The following PELP1 variants were observed in gnomAD, a reference collection of about 807,000 sequenced individuals.
The protein encoded by PELP1 is proline, glutamate and leucine rich protein 1, also known as proline-, glutamic acid- and leucine-rich protein 1.
In PELP1, 32 loss-of-function variants were observed where a neutral mutation model predicts 95.5. That is an observed-to-expected ratio of 0.34 (90% CI 0.25 to 0.45). The LOEUF (loss-of-function observed/expected upper bound fraction) is 0.45. PELP1 is among the 20% of genes least tolerant of loss of function. The pLI is 1.00. For missense variants in PELP1, 1,358 were observed against 1,444.8 expected (o/e 0.94, Z 0.97); for synonymous variants, 668 against 600.1 (o/e 1.11, Z -1.65).
intron 1 of PELP1, 138 bp downstream of exon 1, chr17:4,703,725 G>A (rs1913644082): frequency 1.4e-6 from 1 of 709,486 alleles, no homozygotes; most frequent in East Asian, 2.7e-5. Context: ...CGTCCGGACT[G>A]ATACCTGGAT....
At chr17:4,690,638 T>C (rs879783922) in intron 3 of PELP1, among the ~76,000 whole-genome samples, 4 of 151,944 alleles carry the variant, frequency 2.6e-5, no homozygotes, top group Non-Finnish European at 4.4e-5. Context: ...AGGAGAATCA[T>C]TCGAACCCAA....
At chr17:4,676,535 C>A in intron 6 of PELP1, 28 bp from the exon 7 acceptor site, 2 of 1,611,678 alleles carry the variant, frequency 1.2e-6, no homozygotes, top group South Asian at 1.1e-5. Context: ...GAAACCTGGT[C>A]AGATGGGAAT....
Position 4,672,266 on chromosome 17 carries a change from C to T in PELP1, c.2725G>A (p.Asp909Asn). The stretch of plus-strand genomic sequence containing the variant: ...TCATCCTCTTCCTCTTCCTCAAAGT[C>T]TTCCTCCTCTTCCTCTTCTTCCTCT... ...EEEEEEEEEEDFEEEEEDEEE... is the reference protein window; with the variant it reads ...EEEEEEEEEENFEEEEEDEEE... Residue 909 changes from aspartate to asparagine, a missense_variant, in exon 16 of 17, where the codon GAC becomes AAC. Physicochemically the swap from Asp to Asn is conservative, Grantham distance 23. This residue lies in a region of PELP1 where 283 missense variants were observed against 284.1 expected (regional missense o/e 1.00). Transcript: ENST00000572293. The T allele has an allele frequency of 6.4e-7, 1 of 1,552,388 alleles. No individual in the cohort carries two copies. Among genetic ancestry groups the T allele is most frequent in the South Asian group, 1.2e-5 (1 of 84,066 alleles).
In PELP1 at chr17:4,671,480, CAG is replaced by C. The variant is rs759961374; in HGVS notation, c.3350_3351del (p.Pro1117ArgfsTer2). 50 of 1,610,648 alleles carry C rather than the reference CAG, an allele frequency of 3.1e-5. No homozygotes were observed. Among genetic ancestry groups the C allele is most frequent in the Non-Finnish European group, 4.0e-5 (47 of 1,176,990 alleles). On this transcript the variant is annotated frameshift_variant, in exon 17 of 17. Coordinates refer to ENST00000572293, the MANE Select transcript of PELP1 (RefSeq NM_014389.3). LOFTEE classifies it high-confidence loss of function. ...GTGGGAGGTGGTGGCTTCTCATCAT[CAG>C]GGGGACAATCGATGAAGTCGGCCAG... ...AMLADFIDCP[P>X]DDEKPPPPTE...
rs1351734708 is a variant in PELP1 at position 4,669,951 on chromosome 17, G to A, written c.*1488C>T. 6.6e-6 allele frequency: 1 copy of A among 151,930 alleles called. No individual in the cohort carries two copies. The highest frequency in any genetic ancestry group is 2.4e-5 in the African/African-American group (1 of 41,340). The allele number at this position is 151,930 out of a possible 1,614,324, so 9.4% of individuals were successfully genotyped here. Reference sequence around the variant, plus strand: ...GGTGTCTACAGCTTACTTTCACGTGGTCCCATGAAAAAAGAAATGTGTATA... The same window carrying A: ...GGTGTCTACAGCTTACTTTCACGTGATCCCATGAAAAAAGAAATGTGTATA... On this transcript the variant is annotated 3_prime_UTR_variant, in exon 17 of 17. Coordinates refer to ENST00000572293, the MANE Select transcript of PELP1 (RefSeq NM_014389.3).
rs1460906131 is a variant in PELP1 at position 4,682,385 on chromosome 17, G to A, written c.642+117C>T. On this transcript the variant is annotated intron_variant, in intron 5 of 16. Coordinates refer to ENST00000572293, the MANE Select transcript of PELP1 (RefSeq NM_014389.3). ...AAAGTGGTAGAAGTGTACTTGTGGA[G>A]ATAGGTAACTTTAAAGGATAATCAG... The A allele has an allele frequency of 7.1e-6, 5 of 706,272 alleles. No homozygotes were observed. The East Asian group carries it at 1.3e-4, about 18-fold the overall frequency. 43.8% of individuals were successfully genotyped at this position (706,272 alleles called of 1,614,324 possible).
chr17:4,702,431 A>AATG (rs1407951082), intron 1 of PELP1, among the ~76,000 whole-genome samples: 1 of 151,346 alleles, frequency 6.6e-6, no homozygotes, highest in Non-Finnish European at 1.5e-5. Context: ...AAATAATAAT[A>AATG]ATTCTGGGAC....
In PELP1 at chr17:4,691,441, T is replaced by G; in HGVS notation, c.251A>C (p.Asn84Thr). The change falls in exon 2 of 17, where the codon AAC becomes ACC. Residue 84 changes from asparagine (N) to threonine (T), a missense_variant and splice_region_variant. Around this residue, in one of 7 missense-constraint regions of PELP1, gnomAD observed 169 missense variants for 134.9 expected, o/e 1.25. Coordinates refer to ENST00000572293, the MANE Select transcript of PELP1 (RefSeq NM_014389.3). ...RLHGSVGGAQ[N>T]LSALGALVSL... is the part of the protein sequence containing the mutation. Reference sequence around the variant, plus strand: ...CACCAATGCCCCAAGAGCTGAAAGGTTCTGGAGGAAAGAAAACAGGGAAGC... The same window carrying G: ...CACCAATGCCCCAAGAGCTGAAAGGGTCTGGAGGAAAGAAAACAGGGAAGC... The G allele has an allele frequency of 6.2e-7, 1 of 1,612,334 alleles. No homozygotes were observed. Among genetic ancestry groups the G allele is most frequent in the African/African-American group, 1.3e-5 (1 of 74,946 alleles).
chr17:4,698,800 AGG>A (rs1463046715), intron 1 of PELP1, among the ~76,000 whole-genome samples: 3 of 152,212 alleles, frequency 2.0e-5, no homozygotes, highest in Non-Finnish European at 4.4e-5. Context: ...AAAGATCTGT[AGG>A]TTAAATAATT....
chr17:4,689,353 C>T (rs989662508), intron 3 of PELP1, among the ~76,000 whole-genome samples: 1 of 152,128 alleles, frequency 6.6e-6, no homozygotes, highest in South Asian at 2.1e-4. Context: ...ACTAAAAAGC[C>T]TCTGCACAGC....
intron 4 of PELP1, 71 bp from the exon 5 acceptor site, chr17:4,682,644 C>T (rs1447316260): frequency 2.7e-6 from 4 of 1,459,456 alleles, no homozygotes; most frequent in African/African-American, 2.8e-5. Flanking sequence ...TCCCCCAGCA[C>T]CCCACAAGGG....
chr17:4,682,994 G>C, intron 3 of PELP1, 42 bp from the exon 4 acceptor site: 3 of 1,427,712 alleles, frequency 2.1e-6, no homozygotes, highest in Non-Finnish European at 2.8e-6. Context: ...GCCTCACCTT[G>C]ATTGTCACCA....
chr17:4,683,033 C>T, intron 3 of PELP1, 81 bp from the exon 4 acceptor site: 1 of 1,379,998 alleles, frequency 7.2e-7, no homozygotes, highest in Non-Finnish European at 9.4e-7. Context: ...TACAAGCCTT[C>T]TGAGGAATGC....
chr17:4,672,746 T>C lies in PELP1; in HGVS notation c.2245A>G (p.Thr749Ala). Residue 749 changes from threonine (T) to alanine (A), a missense_variant, in exon 16 of 17, where the codon ACT (threonine) becomes GCT (alanine). Physicochemically the swap from Thr to Ala is moderately conservative, Grantham distance 58 (BLOSUM62 0). Transcript: ENST00000572293. The stretch of plus-strand genomic sequence containing the variant: ...CCAAAAGTTTCATCTGGGGGTATAG[T>C]AGGTGGGGGAGTCCCACTAGGGGCA... ...ILAPSGTPPPTIPPDETFGGR... is the reference protein window; with the variant it reads ...ILAPSGTPPPAIPPDETFGGR... The C allele has an allele frequency of 6.2e-7, 1 of 1,613,412 alleles. No homozygotes were observed. Among genetic ancestry groups the C allele is most frequent in the Non-Finnish European group, 8.5e-7 (1 of 1,179,640 alleles).
chr17:4,700,982 A>C (rs1165288170), intron 1 of PELP1, among the ~76,000 whole-genome samples: 1 of 139,324 alleles, frequency 7.2e-6, no homozygotes, highest in Admixed American at 7.5e-5. Context: ...AAGAAAAAGC[A>C]AAGTTCCACT....
chr17:4,670,037 GATACGCAGTTT>G lies in PELP1; in HGVS notation c.*1391_*1401del, dbSNP rs1193982277. On this transcript the variant is annotated 3_prime_UTR_variant, in exon 17 of 17. Transcript: ENST00000572293. ...TAATATAGATACATGTCTACATGTA[GATACGCAGTTT>G]ATAGGGATAAGAGTTAACATGACTA... 3 of 152,178 alleles carry G rather than the reference GATACGCAGTTT, an allele frequency of 2.0e-5. No homozygotes were observed. The highest frequency in any genetic ancestry group is 3.8e-4 in the East Asian group (2 of 5,202). The allele number at this position is 152,178 out of a possible 1,614,324, so 9.4% of individuals were successfully genotyped here.
intron 1 of PELP1, among the ~76,000 whole-genome samples, chr17:4,698,212 T>C (rs1913369682): frequency 6.6e-6 from 1 of 152,120 alleles, no homozygotes; most frequent in South Asian, 2.1e-4. Context: ...TTAATTTGTC[T>C]GCTGTTTCCT....
In PELP1 at chr17:4,704,018, G is replaced by A; in HGVS notation, c.94C>T (p.Arg32Trp). 2 of 1,613,086 alleles carry A rather than the reference G, an allele frequency of 1.2e-6. No homozygotes were observed. The highest frequency in any genetic ancestry group is 1.7e-6 in the Non-Finnish European group (2 of 1,179,728). ...GGLSAVSSGPRLRLLLLESVS... is the reference protein window; with the variant it reads ...GGLSAVSSGPWLRLLLLESVS... Reference sequence around the variant, plus strand: ...CTCTCCAGCAGCAGCAGGCGGAGCCGCGGGCCCGAGCTCACTGCCGAGAGA... The same window carrying A: ...CTCTCCAGCAGCAGCAGGCGGAGCCACGGGCCCGAGCTCACTGCCGAGAGA... The change falls in exon 1 of 17, where the codon CGG becomes TGG. Residue 32 changes from arginine to tryptophan, a missense_variant. By Grantham distance (101) the Arg-to-Trp change is moderately radical (BLOSUM62 -3). Transcript: ENST00000572293.
At chr17:4,689,903 G>C (rs1567666483) in intron 3 of PELP1, among the ~76,000 whole-genome samples, 1 of 152,168 alleles carries the variant, frequency 6.6e-6, no homozygotes, top group East Asian at 1.9e-4. Flanking sequence ...GCGCACGCTT[G>C]TAATCCCAGC....
Sources: allele counts gnomAD v4.1 joint callset (sites outside exome capture counted in the v4.1 genomes callset), GRCh38; gene constraint gnomAD v4.1.1; regional missense constraint gnomAD v4.1.1; transcripts MANE v1.5; gene names NCBI Gene and HGNC (gene_info 2026-07-23, HGNC 2026-07-21).